RANBP2: variants seen among roughly 807,000 people sequenced by gnomAD.
RANBP2 encodes the protein E3 SUMO-protein ligase RanBP2.
RANBP2 carries 57 observed loss-of-function variants against 303.6 expected under a neutral mutation model. The ratio of observed to expected loss-of-function variants is 0.19; its 90% confidence interval spans 0.15 to 0.23. The LOEUF is 0.23. RANBP2 is among the 10% of genes least tolerant of loss of function. RANBP2 has a pLI of 1.00. For missense variants in RANBP2, 3,138 were observed against 3,780.8 expected, an observed-to-expected ratio of 0.83 and a Z score of 4.46; for synonymous variants, 1,167 against 1,301.5, an observed-to-expected ratio of 0.90 and a Z score of 2.23.
chr2:109,673,833 G>C, the RANBP2 span, among the ~76,000 whole-genome samples: 1 of 152,340 alleles, frequency 6.6e-6, no homozygotes, highest in Non-Finnish European at 1.5e-5. Context: ...AACAATGTAT[G>C]AGAGCTCCAG....
At chr2:109,113,581 C>A in the RANBP2 span, among the ~76,000 whole-genome samples, 3 of 152,228 alleles carry the variant, frequency 2.0e-5, no homozygotes, top group Non-Finnish European at 2.9e-5. Flanking sequence ...CATCTGCAAA[C>A]AGGGACAATT....
the RANBP2 span, among the ~76,000 whole-genome samples, chr2:109,377,271 G>A: frequency 3.3e-5 from 5 of 152,316 alleles, no homozygotes; most frequent in East Asian, 3.9e-4. Context: ...CCAGCGGGGC[G>A]TTGGTCTGTG....
chr2:109,684,481 C>A, the RANBP2 span, among the ~76,000 whole-genome samples: 1 of 150,984 alleles, frequency 6.6e-6, no homozygotes, highest in Non-Finnish European at 1.5e-5. Context: ...CCTCGTAATC[C>A]ACCTGCCTCG....
At chr2:109,010,293 A>G in the RANBP2 span, among the ~76,000 whole-genome samples, 1 of 152,088 alleles carries the variant, frequency 6.6e-6, no homozygotes, top group Non-Finnish European at 1.5e-5. Flanking sequence ...ACGGAAGGTA[A>G]GCATTTAGCT....
the RANBP2 span, chr2:109,501,926 A>G: frequency 2.2e-5 from 10 of 445,586 alleles, no homozygotes; most frequent in Non-Finnish European, 3.2e-5. Flanking sequence ...CAAAGAAAGC[A>G]CCTTGAGGAA....
the RANBP2 span, among the ~76,000 whole-genome samples, chr2:109,162,676 A>G: frequency 1.3e-5 from 2 of 152,226 alleles, no homozygotes; most frequent in South Asian, 4.1e-4. Context: ...GAATAGTGCC[A>G]CAATAAACAT....
At chr2:109,024,622 T>C in the RANBP2 span, among the ~76,000 whole-genome samples, 1 of 152,142 alleles carries the variant, frequency 6.6e-6, no homozygotes, top group Non-Finnish European at 1.5e-5. Context: ...GACAGGCATG[T>C]CCACCAGCAA....
At chr2:109,391,983 A>G in the RANBP2 span, among the ~76,000 whole-genome samples, 1 of 152,132 alleles carries the variant, frequency 6.6e-6, no homozygotes, top group Non-Finnish European at 1.5e-5. Context: ...ACGCCCAGCT[A>G]ATTTTAATTT....
At chr2:109,400,252 CTT>C in the RANBP2 span, among the ~76,000 whole-genome samples, 15 of 151,582 alleles carry the variant, frequency 9.9e-5, no homozygotes, top group South Asian at 2.9e-3. Flanking sequence ...TACATGGACA[CTT>C]GAGCACATGC....
At chr2:109,617,385 C>G in the RANBP2 span, 3 of 167,000 alleles carry the variant, frequency 1.8e-5, no homozygotes, top group Admixed American at 2.0e-4. Flanking sequence ...AAATTAAGTA[C>G]TCGTTTAAGT....
At chr2:109,185,238 T>G in the RANBP2 span, among the ~76,000 whole-genome samples, 2 of 152,260 alleles carry the variant, frequency 1.3e-5, no homozygotes, top group African/African-American at 4.8e-5. Context: ...AAGAATAATT[T>G]GACAGGGACA....
At chr2:109,025,882 G>A in the RANBP2 span, among the ~76,000 whole-genome samples, 2 of 152,012 alleles carry the variant, frequency 1.3e-5, no homozygotes, top group Non-Finnish European at 2.9e-5. Flanking sequence ...TTAATTCCTA[G>A]ATTTCTAGTT....
the RANBP2 span, among the ~76,000 whole-genome samples, chr2:109,000,372 T>C: frequency 6.6e-6 from 1 of 151,776 alleles, no homozygotes; most frequent in African/African-American, 2.4e-5. Flanking sequence ...ACAAAAAATT[T>C]AAAAATTAGC....
At chr2:109,347,940 C>T in the RANBP2 span, 2 of 1,602,966 alleles carry the variant, frequency 1.2e-6, no homozygotes, top group South Asian at 1.1e-5. Flanking sequence ...ACTGTCTGAC[C>T]TTCACCAAGG....
the RANBP2 span, among the ~76,000 whole-genome samples, chr2:109,562,787 G>A: frequency 3.9e-5 from 6 of 152,272 alleles, no homozygotes; most frequent in East Asian, 5.8e-4. Flanking sequence ...AAGCTAACTC[G>A]AGATGATTAA....
intron 1 of RANBP2, among the ~76,000 whole-genome samples, chr2:108,724,957 T>TC (rs1694577522): frequency 6.6e-6 from 1 of 151,972 alleles, no homozygotes; most frequent in Admixed American, 6.6e-5. Flanking sequence ...AGAGTGAGAC[T>TC]CCATCTGAAT....
chr2:109,394,037 G>A, the RANBP2 span, among the ~76,000 whole-genome samples: 3 of 152,272 alleles, frequency 2.0e-5, no homozygotes, highest in South Asian at 6.2e-4. Context: ...CGGGGAGAGA[G>A]TCTTCTCTAT....
chr2:109,667,098 A>G, the RANBP2 span: 1 of 907,334 alleles, frequency 1.1e-6, no homozygotes, highest in East Asian at 2.6e-5. Context: ...TCATAATCTA[A>G]ATATATCCCA....
the RANBP2 span, among the ~76,000 whole-genome samples, chr2:109,216,704 G>A: frequency 6.6e-6 from 1 of 152,222 alleles, no homozygotes; most frequent in African/African-American, 2.4e-5. Context: ...GTGAAACTGT[G>A]GGGTCACATG....
Sources: gnomAD v4.1 joint callset for allele counts (sites outside exome capture counted in the v4.1 genomes callset) on GRCh38, gnomAD v4.1.1 for gene constraint, MANE v1.5 for transcripts, NCBI Gene and HGNC (gene_info 2026-07-23, HGNC 2026-07-21) for gene names.